TENM2: variants seen among roughly 807,000 people sequenced by gnomAD.
TENM2 encodes teneurin transmembrane protein 2, also known as teneurin-2.
In TENM2, 52 loss-of-function variants were observed where a neutral mutation model predicts 245.2. The observed-to-expected ratio is 0.21, with a 90% CI of 0.17 to 0.27. TENM2 has a LOEUF of 0.27. Among genes scored for constraint, TENM2 ranks in the 10% least tolerant of loss-of-function variants. TENM2 has a pLI of 1.00. For synonymous variants in TENM2, 1,363 were observed against 1,438.9 expected (o/e 0.95, Z 1.19); for missense variants, 3,046 against 3,666.8 (o/e 0.83, Z 4.37).
the TENM2 span, among the ~76,000 whole-genome samples, chr5:167,164,033 A>AT: frequency 6.6e-5 from 10 of 152,212 alleles, no homozygotes. Flanking sequence ...GTGCAATTGC[A>AT]TTAAGAGTAC....
the TENM2 span, among the ~76,000 whole-genome samples, chr5:167,217,509 C>T: frequency 2.6e-5 from 4 of 151,984 alleles, no homozygotes; most frequent in South Asian, 4.2e-4. Context: ...TGAAGAAAGG[C>T]GTTGTGAAAT....
At chr5:167,836,723 A>G (rs868179893) in intron 2 of TENM2, among the ~76,000 whole-genome samples, 2 of 152,104 alleles carry the variant, frequency 1.3e-5, no homozygotes, top group African/African-American at 4.8e-5. Context: ...GACATCAGAG[A>G]GGGGGGCAGA....
the TENM2 span, among the ~76,000 whole-genome samples, chr5:167,034,629 C>CAA: frequency 0.12 from 8,808 of 72,226 alleles, 1,301 homozygotes; most frequent in African/African-American, 0.23. Flanking sequence ...GACTCCGTCT[C>CAA]AAAAAAAAAA....
the TENM2 span, among the ~76,000 whole-genome samples, chr5:167,238,654 C>T: frequency 7.3e-6 from 1 of 136,352 alleles, no homozygotes; most frequent in Non-Finnish European, 1.5e-5. Flanking sequence ...TGTGGAATGA[C>T]TAGATAAGTT....
chr5:167,338,542 C>G (rs146332539), intron 1 of TENM2, among the ~76,000 whole-genome samples: 37 of 152,218 alleles, frequency 2.4e-4, no homozygotes, highest in Admixed American at 1.4e-3. Context: ...ATAAATGTTA[C>G]CCTTGCTGGT....
At chr5:167,981,582 C>T (rs984486819) in intron 4 of TENM2, among the ~76,000 whole-genome samples, 4 of 152,200 alleles carry the variant, frequency 2.6e-5, no homozygotes, top group Admixed American at 1.3e-4. Flanking sequence ...CTGAATTCCC[C>T]ATGAGTCTCT....
chr5:167,345,778 T>C (rs937313713), intron 1 of TENM2, among the ~76,000 whole-genome samples: 2 of 152,118 alleles, frequency 1.3e-5, no homozygotes, highest in South Asian at 4.1e-4. Flanking sequence ...GGGAATGTTA[T>C]TTGGCAACCT....
chr5:168,140,621 G>GCATTGGT (rs1180166160), intron 12 of TENM2, among the ~76,000 whole-genome samples: 2 of 152,158 alleles, frequency 1.3e-5, no homozygotes, highest in African/African-American at 4.8e-5. Flanking sequence ...ACGTGTCTCT[G>GCATTGGT]CATTGGTCAT....
chr5:167,416,124 T>G (rs553817766), intron 2 of TENM2, among the ~76,000 whole-genome samples: 19 of 152,280 alleles, frequency 1.2e-4, no homozygotes, highest in African/African-American at 3.6e-4. Context: ...AGGGGGTGCT[T>G]AGCAGCGATT....
chr5:167,462,976 T>C (rs1766414052), intron 2 of TENM2, among the ~76,000 whole-genome samples: 1 of 152,088 alleles, frequency 6.6e-6, no homozygotes, highest in South Asian at 2.1e-4. Context: ...TAGTCTTCAA[T>C]GAGCCAAAAG....
At position 167,521,209 on chromosome 5, in the gene TENM2, G is replaced by A. The variant is rs144420266; in HGVS notation, c.502+145736G>A. Among the ~76,000 whole-genome samples the A allele has an allele frequency of 3.3e-5, 5 of 152,086 alleles. No homozygotes were observed. The East Asian group carries it at 5.8e-4, about 18-fold the overall frequency. On this transcript the variant is annotated intron_variant, in intron 2 of 28. Coordinates refer to ENST00000518659, the Ensembl canonical transcript of TENM2. ...TTTATAGCCAGAGACAAAGGTTGCC[G>A]AAAATTAACTTTCAGTGTCTTAGAT...
chr5:167,259,636 C>T, the TENM2 span, among the ~76,000 whole-genome samples: 1 of 152,086 alleles, frequency 6.6e-6, no homozygotes, highest in Admixed American at 6.6e-5. Flanking sequence ...CTGTTAGTAA[C>T]TCACACATCT....
At chr5:167,092,297 G>A in the TENM2 span, among the ~76,000 whole-genome samples, 1 of 152,150 alleles carries the variant, frequency 6.6e-6, no homozygotes, top group Non-Finnish European at 1.5e-5. Context: ...GCCCGTGACT[G>A]CTTTTAAGGC....
chr5:167,593,376 T>C (rs1397258864), intron 2 of TENM2, among the ~76,000 whole-genome samples: 1 of 152,248 alleles, frequency 6.6e-6, no homozygotes, highest in Non-Finnish European at 1.5e-5. Context: ...TGCCCTCTTT[T>C]GTAGACCTTC....
At chr5:168,243,994 C>T (rs936901859) in intron 25 of TENM2, among the ~76,000 whole-genome samples, 2 of 145,032 alleles carry the variant, frequency 1.4e-5, no homozygotes, top group South Asian at 2.2e-4. Context: ...GGCTGGAGTG[C>T]ATGGCACAAT....
At chr5:167,363,596 T>C (rs1367045808) in intron 1 of TENM2, among the ~76,000 whole-genome samples, 1 of 149,768 alleles carries the variant, frequency 6.7e-6, no homozygotes, top group African/African-American at 2.4e-5. Flanking sequence ...CTGGGCATGG[T>C]GGTGGACGCC....
Position 167,327,625 on chromosome 5 carries a change from T to A in TENM2, c.226+42562T>A, listed in dbSNP as rs1299349495. Among the ~76,000 whole-genome samples, 4 of 152,190 alleles carry A rather than the reference T, an allele frequency of 2.6e-5. No individual in the cohort carries two copies. The East Asian group carries it at 7.7e-4, about 29-fold the overall frequency. ...AAAAACCTCCCCGAGGATTTACCGA[T>A]AAAGGTGAGGTCAGAAGAAGTGAAG... On this transcript the variant is annotated intron_variant, in intron 1 of 28. Transcript: ENST00000518659.
At chr5:167,585,190 C>T (rs974411600) in intron 2 of TENM2, among the ~76,000 whole-genome samples, 9 of 152,082 alleles carry the variant, frequency 5.9e-5, no homozygotes, top group Non-Finnish European at 1.0e-4. Flanking sequence ...GAAGTAGATC[C>T]GGATCCTTAA....
intron 4 of TENM2, among the ~76,000 whole-genome samples, chr5:167,954,757 G>A (rs1463457813): frequency 6.6e-6 from 1 of 152,080 alleles, no homozygotes; most frequent in Non-Finnish European, 1.5e-5. Context: ...GAGGATGATG[G>A]TTTCCCGCTT....
Sources: allele counts gnomAD v4.1 joint callset (sites outside exome capture counted in the v4.1 genomes callset), GRCh38; gene constraint gnomAD v4.1.1; transcripts MANE v1.5; gene names NCBI Gene and HGNC (gene_info 2026-07-23, HGNC 2026-07-21).